The following MINPP1 variants were observed in gnomAD, a reference collection of about 807,000 sequenced individuals.
MINPP1 encodes multiple inositol polyphosphate phosphatase 1.
In MINPP1, 28 loss-of-function variants were observed where a neutral mutation model predicts 46.1. The ratio of observed to expected loss-of-function variants is 0.61; its 90% CI spans 0.45 to 0.83. MINPP1 has a LOEUF of 0.83. Among genes scored for constraint, MINPP1 ranks in the 40% least tolerant of loss-of-function variants. The pLI is 0.00. For synonymous variants in MINPP1, 268 were observed against 249.1 expected (o/e 1.08, Z -0.72); for missense variants, 603 against 610.0 (o/e 0.99, Z 0.12).
intron 4 of MINPP1, among the ~76,000 whole-genome samples, chr10:87,546,121 T>A (rs768007694): frequency 1.3e-5 from 2 of 152,228 alleles, no homozygotes; most frequent in Non-Finnish European, 2.9e-5. Flanking sequence ...GGGCTGCTGG[T>A]TGGCTATTTT....
At chr10:87,543,051 G>T (rs1851838525) in intron 4 of MINPP1, among the ~76,000 whole-genome samples, 1 of 152,162 alleles carries the variant, frequency 6.6e-6, no homozygotes, top group Admixed American at 6.6e-5. Context: ...GTTCCAGATG[G>T]AAGTGAGGAT....
rs1324596106 is a variant in MINPP1 at position 87,537,510 on chromosome 10, TTTGTGTG to T, written c.1068-14570_1068-14564del. 6.2e-3 allele frequency among the ~76,000 whole-genome samples: 735 copies of T among 117,788 alleles called. 9 individuals are homozygous for T. Among genetic ancestry groups the T allele is most frequent in the South Asian group, 0.029 (124 of 4,326 alleles). 77.3% of individuals were successfully genotyped at this position (117,788 alleles called of 152,430 possible). ...TTTAATTGGGTTATCTTTATTACTGTTTGTGTGTGTGTGTGTGTGTGTGTGTGTGTGT... is the reference window on the plus strand; with the variant it reads ...TTTAATTGGGTTATCTTTATTACTGTTGTGTGTGTGTGTGTGTGTGTGTGT... On this transcript the variant is annotated intron_variant, in intron 4 of 4. Coordinates refer to ENST00000371996, the MANE Select transcript of MINPP1 (RefSeq NM_004897.5).
chr10:87,522,936 A>G lies in MINPP1; in HGVS notation c.1067+1767A>G, dbSNP rs1471350490. ...GTCACTGTCACAATCCTTTGTTGTC[A>G]TTTCAACAATATTCATAGTATCTTC... On this transcript the variant is annotated intron_variant, in intron 4 of 4. Transcript: ENST00000371996. Among the ~76,000 whole-genome samples, 4 of 152,208 alleles carry G rather than the reference A, an allele frequency of 2.6e-5. No homozygotes were observed. The South Asian group carries it at 8.3e-4, about 32-fold the overall frequency.
At chr10:87,513,751 T>G (rs989253502) in intron 3 of MINPP1, among the ~76,000 whole-genome samples, 5 of 152,356 alleles carry the variant, frequency 3.3e-5, no homozygotes, top group Non-Finnish European at 5.9e-5. Context: ...AGTTTCCTAT[T>G]GGTGCTCTAA....
At chr10:87,511,950 GTA>G (rs1851341160) in intron 2 of MINPP1, among the ~76,000 whole-genome samples, 1 of 151,710 alleles carries the variant, frequency 6.6e-6, no homozygotes, top group South Asian at 2.1e-4. Flanking sequence ...CATTTTTTTT[GTA>G]TTATATACTG....
At chr10:87,540,593 CT>C (rs1440577432) in intron 4 of MINPP1, among the ~76,000 whole-genome samples, 1 of 151,980 alleles carries the variant, frequency 6.6e-6, no homozygotes, top group Non-Finnish European at 1.5e-5. Context: ...GTATTTTGGG[CT>C]TGTTCATAGA....
intron 3 of MINPP1, among the ~76,000 whole-genome samples, chr10:87,518,093 G>T (rs1054153373): frequency 6.6e-6 from 1 of 151,294 alleles, no homozygotes; most frequent in Non-Finnish European, 1.5e-5. Flanking sequence ...CCGAGCAGCT[G>T]GGATTACAGG....
intron 3 of MINPP1, among the ~76,000 whole-genome samples, chr10:87,514,453 G>T (rs1851382593): frequency 6.6e-6 from 1 of 152,116 alleles, no homozygotes; most frequent in South Asian, 2.1e-4. Flanking sequence ...TCTAATAAGG[G>T]ATCATTCATT....
chr10:87,515,300 T>A (rs12356259), intron 3 of MINPP1, among the ~76,000 whole-genome samples: 57,639 of 151,424 alleles, frequency 0.38, 11,743 homozygotes, highest in Non-Finnish European at 0.46. Flanking sequence ...AGCAGGAGAA[T>A]CGCTTGAACC....
chr10:87,543,575 G>C (rs191740771), intron 4 of MINPP1, among the ~76,000 whole-genome samples: 1 of 152,156 alleles, frequency 6.6e-6, no homozygotes, highest in Non-Finnish European at 1.5e-5. Context: ...GACTGTTTGA[G>C]TCTGAGGGGT....
In MINPP1 at chr10:87,505,168, G is replaced by A. The variant is rs766332791; in HGVS notation, c.253G>A (p.Ala85Thr). 6.2e-7 allele frequency: 1 copy of A among 1,608,618 alleles called. No individual in the cohort carries two copies. The highest frequency in any genetic ancestry group is 1.1e-5 in the South Asian group (1 of 90,426). Residue 85 changes from alanine to threonine, a missense_variant, in exon 1 of 5, where the codon GCC (alanine) becomes ACC (threonine). Physicochemically the swap from Ala to Thr is moderately conservative, Grantham distance 58 (BLOSUM62 0). This residue lies in a region of MINPP1 where 239 missense variants were observed against 189.4 expected (regional missense o/e 1.26). Coordinates refer to ENST00000371996, the MANE Select transcript of MINPP1 (RefSeq NM_004897.5). This position sits in a 1 kb window ranked among gnomAD's most constrained non-coding sequence, Gnocchi z 4.4. The part of the protein sequence containing the change: ...EGTCTPVQLV[A>T]LIRHGTRYPT... ...GACCTGCACCCCGGTGCAGCTGGTC[G>A]CCCTCATTCGCCACGGCACCCGCTA...
At chr10:87,508,641 A>G (rs1851290799) in intron 2 of MINPP1, 108 bp downstream of exon 2, 1 of 1,088,616 alleles carries the variant, frequency 9.2e-7, no homozygotes, top group Admixed American at 2.2e-5. Context: ...TAATTGATCT[A>G]CATTAAGAAA....
chr10:87,507,928 GT>G, intron 1 of MINPP1: 1 of 1,270,840 alleles, frequency 7.9e-7, no homozygotes, highest in South Asian at 1.9e-5. Flanking sequence ...AAAATACTCT[GT>G]TTAGACTTTG....
chr10:87,531,475 T>C (rs1851659795), intron 4 of MINPP1, among the ~76,000 whole-genome samples: 1 of 152,386 alleles, frequency 6.6e-6, no homozygotes, highest in South Asian at 2.1e-4. Context: ...TGAATTTTCA[T>C]GCATGGCTTG....
chr10:87,533,820 A>G lies in MINPP1; in HGVS notation c.1067+12651A>G, dbSNP rs538233700. On this transcript the variant is annotated intron_variant, in intron 4 of 4. Coordinates refer to ENST00000371996, the MANE Select transcript of MINPP1 (RefSeq NM_004897.5). The stretch of plus-strand genomic sequence containing the variant: ...CCATATTTTAACGTAAGATGGCAGC[A>G]TTGAGATAAATGTGTAGTGACACCA... Among the ~76,000 whole-genome samples the G allele has an allele frequency of 9.9e-5, 15 of 152,236 alleles. No individual in the cohort carries two copies. The East Asian group carries it at 2.9e-3, about 29-fold the overall frequency.
In MINPP1 at chr10:87,513,115, T is replaced by TC. The variant is rs199531532; in HGVS notation, c.836-3dup. 1,167 of 1,610,398 alleles carry TC rather than the reference T, an allele frequency of 7.2e-4. 10 individuals carry two copies. The African/African-American group carries it at 0.012, about 17-fold the overall frequency. On this transcript the variant is annotated splice_polypyrimidine_tract_variant and intron_variant, in intron 2 of 4. Transcript: ENST00000371996. ...TGACCCACAAAATTTTACCTTTTTT[T>TC]CCCCCCAGATTTAATTCAAGTAGCC... is the stretch of plus-strand genomic sequence containing the variant.
intron 4 of MINPP1, among the ~76,000 whole-genome samples, chr10:87,535,069 C>T (rs1295641816): frequency 3.9e-5 from 6 of 152,268 alleles, no homozygotes; most frequent in Non-Finnish European, 7.3e-5. Context: ...TAGTCAAAAG[C>T]GAAAGGATGC....
intron 4 of MINPP1, among the ~76,000 whole-genome samples, chr10:87,538,334 G>A (rs1851767902): frequency 6.6e-6 from 1 of 152,136 alleles, no homozygotes; most frequent in Non-Finnish European, 1.5e-5. Flanking sequence ...AGCTGTTTGG[G>A]CATCCCCTCC....
At chr10:87,547,017 G>GAC (rs1480948441) in intron 4 of MINPP1, among the ~76,000 whole-genome samples, 4 of 152,170 alleles carry the variant, frequency 2.6e-5, no homozygotes, top group African/African-American at 9.7e-5. Context: ...TGTTGCTGAA[G>GAC]AGTGTTACTA....
Sources: allele counts gnomAD v4.1 joint callset (sites outside exome capture counted in the v4.1 genomes callset), GRCh38; gene constraint gnomAD v4.1.1; regional missense constraint gnomAD v4.1.1; non-coding constraint Gnocchi (gnomAD v3.1); transcripts MANE v1.5; gene names NCBI Gene and HGNC (gene_info 2026-07-23, HGNC 2026-07-21).